The following TTC7A variants were observed in gnomAD, a reference collection of about 807,000 sequenced individuals.
TTC7A encodes the protein tetratricopeptide repeat protein 7A.
Under a neutral mutation model 103.7 loss-of-function variants are expected in TTC7A, and 110 were observed. The observed-to-expected ratio is 1.06, with a 90% CI of 0.91 to 1.24. The LOEUF (loss-of-function observed/expected upper bound fraction) is 1.24, where lower values mean the gene tolerates loss of function less well. Among genes scored for constraint, TTC7A ranks in the 50% most tolerant of loss-of-function variants. TTC7A has a pLI of 0.00. For missense variants in TTC7A, 1,340 were observed against 1,116.3 expected (o/e 1.20, Z -2.86); for synonymous variants, 521 against 467.9 (o/e 1.11, Z -1.47).
intron 8 of TTC7A, among the ~76,000 whole-genome samples, chr2:47,001,570 A>G (rs1016711082): frequency 6.6e-6 from 1 of 152,164 alleles, no homozygotes; most frequent in African/African-American, 2.4e-5. Context: ...TAAAGGAGTA[A>G]TGCAGGCCGG....
chr2:47,051,410 A>G (rs986318292), intron 17 of TTC7A, among the ~76,000 whole-genome samples: 1 of 152,090 alleles, frequency 6.6e-6, no homozygotes, highest in African/African-American at 2.4e-5. Flanking sequence ...ACCCCCACTT[A>G]TTTTTAATCA....
chr2:47,051,771 C>T lies in TTC7A; in HGVS notation c.2043C>T (p.Ala681=), dbSNP rs777962946. 21 of 1,610,770 alleles carry T rather than the reference C, an allele frequency of 1.3e-5. No individual in the cohort carries two copies. The highest frequency in any genetic ancestry group is 1.7e-5 in the Non-Finnish European group (20 of 1,179,488). Reference sequence around the variant, plus strand: ...GCTCCCGGCGGGCTTCGTCCATCGCCGCCTCCCGGCTGGAGGAGGCCATGT... The same window carrying T: ...GCTCCCGGCGGGCTTCGTCCATCGCTGCCTCCCGGCTGGAGGAGGCCATGT... ...DSGSRRASSI[A]ASRLEEAMSE... The change falls in exon 18 of 20, where the codon GCC becomes GCT. Residue 681 remains alanine, a synonymous_variant. Transcript: ENST00000319190.
intron 2 of TTC7A, among the ~76,000 whole-genome samples, chr2:46,934,856 A>G (rs190408467): frequency 8.6e-6 from 1 of 116,476 alleles, no homozygotes; most frequent in Non-Finnish European, 1.6e-5. Context: ...GCTGGAGTGC[A>G]GTGGCATGAT....
chr2:46,990,681 G>T (rs1675532945), intron 5 of TTC7A, among the ~76,000 whole-genome samples: 1 of 152,214 alleles, frequency 6.6e-6, no homozygotes, highest in African/African-American at 2.4e-5. Context: ...AATGAAAAGA[G>T]ACTAGGACTT....
chr2:46,971,329 C>G (rs1204655836), intron 3 of TTC7A, among the ~76,000 whole-genome samples: 2 of 152,116 alleles, frequency 1.3e-5, no homozygotes, highest in Non-Finnish European at 2.9e-5. Context: ...AGAATATGAA[C>G]AGTAATTTTG....
Position 47,043,070 on chromosome 2 carries a change from C to T in TTC7A, c.1803-3245C>T, listed in dbSNP as rs574721639. Among the ~76,000 whole-genome samples, 37 of 152,320 alleles carry T rather than the reference C, an allele frequency of 2.4e-4. No homozygotes were observed. The South Asian group carries it at 5.0e-3, about 20-fold the overall frequency. ...CAGTCCTGACGGCATGCCAGGGCTC[C>T]GCCAGGCTTCCTGAAGAAATGGGCT... On this transcript the variant is annotated intron_variant, in intron 15 of 19. Transcript: ENST00000319190.
chr2:47,017,966 G>C (rs943424370), intron 11 of TTC7A, among the ~76,000 whole-genome samples: 1 of 152,108 alleles, frequency 6.6e-6, no homozygotes, highest in Non-Finnish European at 1.5e-5. Context: ...ATGAGTAGTT[G>C]TAATTGATAT....
chr2:46,947,129 T>G (rs578094592), intron 1 of TTC7A, among the ~76,000 whole-genome samples: 3 of 152,302 alleles, frequency 2.0e-5, no homozygotes, highest in African/African-American at 7.2e-5. Context: ...GTTGTTTATT[T>G]TGAAATTACC....
chr2:47,012,840 C>G (rs1678226816), intron 11 of TTC7A, among the ~76,000 whole-genome samples: 1 of 152,188 alleles, frequency 6.6e-6, no homozygotes, highest in Non-Finnish European at 1.5e-5. Flanking sequence ...ATCCCTGTGT[C>G]TGAAGTGCCC....
intron 19 of TTC7A, chr2:47,065,620 G>GCTTTT (rs1317542600): frequency 6.6e-6 from 1 of 152,190 alleles, no homozygotes; most frequent in African/African-American, 2.4e-5. Flanking sequence ...AGGGCAGAGA[G>GCTTTT]CTTTTCTTTT....
At chr2:47,015,477 A>G (rs1678542673) in intron 11 of TTC7A, among the ~76,000 whole-genome samples, 1 of 152,208 alleles carries the variant, frequency 6.6e-6, no homozygotes, top group African/African-American at 2.4e-5. Flanking sequence ...CTTTGGAGGC[A>G]GAGATGGTAG....
chr2:46,975,394 CAG>C (rs948279766), intron 4 of TTC7A, among the ~76,000 whole-genome samples: 46 of 152,140 alleles, frequency 3.0e-4, no homozygotes, highest in Non-Finnish European at 5.3e-4. Context: ...CTTTCCCTGG[CAG>C]GGGTGGAGTC....
At chr2:47,061,631 C>A (rs1683789924) in intron 19 of TTC7A, among the ~76,000 whole-genome samples, 1 of 152,202 alleles carries the variant, frequency 6.6e-6, no homozygotes, top group Non-Finnish European at 1.5e-5. Flanking sequence ...TTGTCCTGGC[C>A]TTACCTCTAC....
intron 5 of TTC7A, among the ~76,000 whole-genome samples, chr2:46,981,679 C>T (rs1042682627): frequency 3.3e-5 from 5 of 152,186 alleles, no homozygotes; most frequent in Non-Finnish European, 5.9e-5. Flanking sequence ...GATGTGGTGC[C>T]CTTGTATGGA....
chr2:47,065,736 C>T (rs534148516), intron 19 of TTC7A: 6 of 152,252 alleles, frequency 3.9e-5, no homozygotes, highest in South Asian at 4.1e-4. Context: ...TGAAGAAGGT[C>T]CTAGCCCTGG....
At chr2:47,005,873 C>A in intron 8 of TTC7A, 49 bp from the exon 9 acceptor site, 1 of 1,606,314 alleles carries the variant, frequency 6.2e-7, no homozygotes. Context: ...AGACAGACAC[C>A]TGCTTATCTA....
At chr2:47,072,917 CTTCTT>C (rs899295352) in intron 19 of TTC7A, among the ~76,000 whole-genome samples, 22 of 151,456 alleles carry the variant, frequency 1.5e-4, no homozygotes, top group African/African-American at 4.8e-4. Context: ...TTCCCAGCCT[CTTCTT>C]ATGACTATTC....
chr2:47,073,327 C>T (rs1409603253), intron 19 of TTC7A, among the ~76,000 whole-genome samples: 2 of 151,972 alleles, frequency 1.3e-5, no homozygotes. Flanking sequence ...ACCGCGCTCT[C>T]GAGAGAGATG....
chr2:46,951,053 C>G (rs922390817), intron 2 of TTC7A, among the ~76,000 whole-genome samples: 2 of 152,174 alleles, frequency 1.3e-5, no homozygotes, highest in Admixed American at 6.6e-5. Flanking sequence ...CTCAGTGAAC[C>G]TGTGACCTAG....
Sources: allele counts gnomAD v4.1 joint callset (sites outside exome capture counted in the v4.1 genomes callset), GRCh38; gene constraint gnomAD v4.1.1; transcripts MANE v1.5; gene names NCBI Gene and HGNC (gene_info 2026-07-23, HGNC 2026-07-21).